The following PTPRM variants were observed in gnomAD, a reference collection of about 807,000 sequenced individuals.
The protein encoded by PTPRM is receptor-type tyrosine-protein phosphatase mu.
A neutral mutation model predicts 186.7 loss-of-function variants in PTPRM; 47 were observed. That is an observed-to-expected ratio of 0.25 (90% CI 0.20 to 0.32). The LOEUF is 0.32. PTPRM is among the 10% of genes least tolerant of loss of function. The pLI is 1.00. For missense variants in PTPRM, 1,494 were observed against 1,865.0 expected (o/e 0.80, Z 3.66); for synonymous variants, 668 against 674.9 (o/e 0.99, Z 0.16).
chr18:7,681,203 A>G (rs1012601918), intron 1 of PTPRM, among the ~76,000 whole-genome samples: 16 of 152,034 alleles, frequency 1.1e-4, no homozygotes, highest in Non-Finnish European at 5.9e-5. Context: ...CCTGAATAAT[A>G]ATAATAATAA....
chr18:7,947,044 G>T (rs1005376906), intron 5 of PTPRM: 2 of 455,710 alleles, frequency 4.4e-6, no homozygotes, highest in Non-Finnish European at 8.8e-6. Context: ...CTGGGACTGG[G>T]TTAGTGAGTC....
chr18:7,870,207 G>T (rs538053788), intron 2 of PTPRM, among the ~76,000 whole-genome samples: 1 of 152,136 alleles, frequency 6.6e-6, no homozygotes, highest in African/African-American at 2.4e-5. Flanking sequence ...CATGTTTGTG[G>T]TAAGTTAAGG....
At chr18:7,973,524 T>C (rs1248172668) in intron 7 of PTPRM, among the ~76,000 whole-genome samples, 1 of 152,228 alleles carries the variant, frequency 6.6e-6, no homozygotes, top group Non-Finnish European at 1.5e-5. Context: ...AAATTGTCCA[T>C]TTCTGTCCTT....
chr18:7,807,772 A>G (rs1215631557), intron 2 of PTPRM, among the ~76,000 whole-genome samples: 6 of 152,204 alleles, frequency 3.9e-5, no homozygotes, highest in Admixed American at 3.9e-4. Flanking sequence ...GCTGACGTTT[A>G]TGTGGTTGAA....
chr18:7,592,479 T>C (rs914636004), intron 1 of PTPRM, among the ~76,000 whole-genome samples: 1 of 152,190 alleles, frequency 6.6e-6, no homozygotes, highest in African/African-American at 2.4e-5. Flanking sequence ...TCTCAGGACT[T>C]GCCTGGTCCT....
At chr18:8,370,796 A>G (rs1240855308) in intron 23 of PTPRM, 94 bp from the exon 24 acceptor site, 2 of 666,094 alleles carry the variant, frequency 3.0e-6, no homozygotes, top group Non-Finnish European at 2.5e-6. Flanking sequence ...TTTGTGTGCA[A>G]ATTTTGTCCT....
chr18:8,057,425 C>CTTTTTTTTTTTTTTTTTTTTTTTTCTATT (rs763829289), intron 7 of PTPRM, among the ~76,000 whole-genome samples: 1 of 102,562 alleles, frequency 9.8e-6, no homozygotes, highest in Non-Finnish European at 1.9e-5. Context: ...TGTGATACTT[C>CTTTTTTTTTTTTTTTTTTTTTTTTCTATT]TTTTTTTTTT....
chr18:8,012,146 A>G (rs183166218), intron 7 of PTPRM, among the ~76,000 whole-genome samples: 104 of 152,372 alleles, frequency 6.8e-4, no homozygotes, highest in African/African-American at 2.3e-3. Flanking sequence ...TGAGCACTAT[A>G]GTGAATTCTC....
intron 19 of PTPRM, among the ~76,000 whole-genome samples, chr18:8,255,152 C>T (rs896836750): frequency 7.2e-5 from 11 of 152,032 alleles, no homozygotes; most frequent in Non-Finnish European, 1.2e-4. Flanking sequence ...AGCTTAATAT[C>T]GTATGAAAGA....
At chr18:8,200,418 A>G (rs1370098646) in intron 14 of PTPRM, among the ~76,000 whole-genome samples, 2 of 152,222 alleles carry the variant, frequency 1.3e-5, no homozygotes, top group Non-Finnish European at 2.9e-5. Context: ...CCTTGTCACA[A>G]GACATTGTTG....
At chr18:8,021,426 A>G (rs1328095441) in intron 7 of PTPRM, among the ~76,000 whole-genome samples, 2 of 151,996 alleles carry the variant, frequency 1.3e-5, no homozygotes, top group East Asian at 3.9e-4. Flanking sequence ...CTACATATAC[A>G]TGTGCCATGG....
intron 2 of PTPRM, among the ~76,000 whole-genome samples, chr18:7,850,264 G>C (rs887421432): frequency 3.3e-5 from 5 of 152,314 alleles, no homozygotes; most frequent in Non-Finnish European, 7.4e-5. Flanking sequence ...CTTTGTTCTT[G>C]AGCTTTTAAA....
intron 13 of PTPRM, among the ~76,000 whole-genome samples, chr18:8,137,299 T>C (rs187441806): frequency 1.2e-4 from 18 of 152,282 alleles, no homozygotes; most frequent in Admixed American, 2.0e-4. Flanking sequence ...AATGGGGTAG[T>C]TTGTTGCTCA....
intron 1 of PTPRM, among the ~76,000 whole-genome samples, chr18:7,589,768 A>G (rs975465549): frequency 6.6e-6 from 1 of 152,236 alleles, no homozygotes; most frequent in Non-Finnish European, 1.5e-5. Flanking sequence ...ACAAAGGCAT[A>G]TACTCCTCAT....
chr18:8,385,575 A>G (rs2095766951), intron 30 of PTPRM, among the ~76,000 whole-genome samples: 1 of 152,174 alleles, frequency 6.6e-6, no homozygotes, highest in Non-Finnish European at 1.5e-5. Context: ...GAGTGCCAGG[A>G]CAGCAAGGAG....
intron 14 of PTPRM, among the ~76,000 whole-genome samples, chr18:8,147,596 A>G (rs1302377986): frequency 2.0e-5 from 3 of 152,108 alleles, no homozygotes; most frequent in African/African-American, 7.2e-5. Context: ...CTGCAAAGAG[A>G]TAATTTGACT....
At chr18:8,337,519 G>A (rs2095446662) in intron 22 of PTPRM, among the ~76,000 whole-genome samples, 1 of 152,184 alleles carries the variant, frequency 6.6e-6, no homozygotes, top group Non-Finnish European at 1.5e-5. Flanking sequence ...ACGCAGGGGT[G>A]GCCACTCATA....
intron 2 of PTPRM, among the ~76,000 whole-genome samples, chr18:7,808,314 G>C (rs1355476224): frequency 6.6e-6 from 1 of 152,158 alleles, no homozygotes; most frequent in African/African-American, 2.4e-5. Flanking sequence ...AGGAGAAGCA[G>C]GGTGGGGGTG....
intron 2 of PTPRM, among the ~76,000 whole-genome samples, chr18:7,830,596 A>G (rs986817157): frequency 1.3e-5 from 2 of 152,266 alleles, no homozygotes; most frequent in African/African-American, 4.8e-5. Flanking sequence ...TGACTTACCT[A>G]TGTAGAGATT....
Sources: allele counts gnomAD v4.1 joint callset (sites outside exome capture counted in the v4.1 genomes callset), GRCh38; gene constraint gnomAD v4.1.1; transcripts MANE v1.5; gene names NCBI Gene and HGNC (gene_info 2026-07-23, HGNC 2026-07-21).